TAB2: variants seen among roughly 807,000 people sequenced by gnomAD.
TAB2 encodes TGF-beta-activated kinase 1 and MAP3K7-binding protein 2.
TAB2 carries 3 observed loss-of-function variants against 65.0 expected under a neutral mutation model. The observed-to-expected ratio is 0.05, with a 90% CI of 0.02 to 0.12. The LOEUF is 0.12. TAB2 is among the 10% of genes least tolerant of loss of function. TAB2 has a pLI of 1.00. For missense variants in TAB2, 623 were observed against 840.3 expected, an observed-to-expected ratio of 0.74 and a Z score of 3.20; for synonymous variants, 298 against 285.1, an observed-to-expected ratio of 1.05 and a Z score of -0.46.
At chr6:149,396,419 C>A (rs1184781546) in intron 3 of TAB2, among the ~76,000 whole-genome samples, 2 of 152,226 alleles carry the variant, frequency 1.3e-5, no homozygotes, top group African/African-American at 4.8e-5. Context: ...TTACATCTAT[C>A]TGACAGGTCA....
chr6:149,242,607 T>A (rs755124023), intron 1 of TAB2, among the ~76,000 whole-genome samples: 1 of 152,160 alleles, frequency 6.6e-6, no homozygotes, highest in Non-Finnish European at 1.5e-5. Flanking sequence ...CCAGAATGTA[T>A]GGTTTAAGAG....
At chr6:149,372,570 A>G (rs141276123) in intron 2 of TAB2, among the ~76,000 whole-genome samples, 38 of 152,276 alleles carry the variant, frequency 2.5e-4, no homozygotes, top group African/African-American at 7.7e-4. Flanking sequence ...CACCTTCCCT[A>G]TGTTAATCTG....
intron 1 of TAB2, among the ~76,000 whole-genome samples, chr6:149,248,500 AAG>A (rs1201450923): frequency 1.4e-5 from 2 of 142,034 alleles, no homozygotes; most frequent in East Asian, 2.1e-4. Context: ...GAGAGAGAGA[AAG>A]AGAGAAAGAA....
chr6:149,358,289 A>T (rs1244399174), intron 1 of TAB2, among the ~76,000 whole-genome samples: 1 of 152,200 alleles, frequency 6.6e-6, no homozygotes, highest in Non-Finnish European at 1.5e-5. Flanking sequence ...CTTAATACGC[A>T]TAGCCTGAAG....
intron 3 of TAB2, among the ~76,000 whole-genome samples, chr6:149,391,989 T>C (rs1394842581): frequency 6.6e-6 from 1 of 152,222 alleles, no homozygotes; most frequent in African/African-American, 2.4e-5. Flanking sequence ...GTTTTATGGG[T>C]ACAATAGTGT....
At chr6:149,377,461 G>T (rs1033211089) in intron 2 of TAB2, among the ~76,000 whole-genome samples, 2 of 151,598 alleles carry the variant, frequency 1.3e-5, no homozygotes, top group African/African-American at 2.4e-5. Context: ...AGAGAGAGAG[G>T]GATTACACAA....
intron 1 of TAB2, among the ~76,000 whole-genome samples, chr6:149,293,285 T>C (rs1778809814): frequency 1.3e-5 from 2 of 152,230 alleles, no homozygotes; most frequent in Non-Finnish European, 2.9e-5. Flanking sequence ...TGTAATATAG[T>C]ATAAATTTGT....
Position 149,409,820 on chromosome 6 carries a change from TG to T in TAB2, c.*102del. 2.2e-6 allele frequency: 3 copies of T among 1,362,920 alleles called. No homozygotes were observed. Among genetic ancestry groups the T allele is most frequent in the Non-Finnish European group, 3.1e-6 (3 of 958,564 alleles). The allele number at this position is 1,362,920 out of a possible 1,614,324, so 84.4% of individuals were successfully genotyped here. ...ACTGCTACATAGGATTTTGTCAAAT[TG>T]AAGGTGTGACAAGATGGTGTTCTGC... On this transcript the variant is annotated 3_prime_UTR_variant, in exon 7 of 7. Coordinates refer to ENST00000637181, the MANE Select transcript of TAB2 (RefSeq NM_001292034.3).
chr6:149,279,479 A>G (rs911863463), intron 1 of TAB2, among the ~76,000 whole-genome samples: 2 of 152,012 alleles, frequency 1.3e-5, no homozygotes, highest in East Asian at 3.9e-4. Flanking sequence ...ACTGGGGGTG[A>G]TTTCTACCCT....
intron 3 of TAB2, among the ~76,000 whole-genome samples, chr6:149,392,542 C>A (rs1383887072): frequency 1.3e-5 from 2 of 152,208 alleles, no homozygotes; most frequent in East Asian, 1.9e-4. Flanking sequence ...TCTGTTGTTA[C>A]CTGCATTTTC....
At chr6:149,245,132 C>A (rs1214609137) in intron 1 of TAB2, 1 of 152,222 alleles carries the variant, frequency 6.6e-6, no homozygotes, top group Non-Finnish European at 1.5e-5. Flanking sequence ...GTTTGCCAGA[C>A]AGGTGAGAAG....
At chr6:149,354,791 T>C (rs1348670008) in intron 1 of TAB2, among the ~76,000 whole-genome samples, 2 of 152,234 alleles carry the variant, frequency 1.3e-5, no homozygotes, top group East Asian at 3.8e-4. Context: ...TCTCATTCTT[T>C]TTAATGGCTG....
At chr6:149,403,313 T>TATATATACAC (rs1298336581) in intron 6 of TAB2, among the ~76,000 whole-genome samples, 2 of 66,870 alleles carry the variant, frequency 3.0e-5, no homozygotes, top group African/African-American at 1.3e-4. Flanking sequence ...TATATATATA[T>TATATATACAC]ACACACACAT....
intron 6 of TAB2, among the ~76,000 whole-genome samples, chr6:149,407,505 A>T (rs918212631): frequency 1.2e-4 from 18 of 152,198 alleles, no homozygotes; most frequent in African/African-American, 3.9e-4. Context: ...GAAAGGTCCA[A>T]TAAAAACATC....
chr6:149,254,690 C>T (rs1777969201), intron 1 of TAB2, among the ~76,000 whole-genome samples: 7 of 152,204 alleles, frequency 4.6e-5, no homozygotes, highest in Admixed American at 4.6e-4. Context: ...GATATCTCTA[C>T]TTTAAACTGG....
At chr6:149,328,677 G>C (rs533492209) in intron 1 of TAB2, among the ~76,000 whole-genome samples, 1 of 152,242 alleles carries the variant, frequency 6.6e-6, no homozygotes, top group East Asian at 1.9e-4. Context: ...AGGTCAAAGG[G>C]GTGGACAGAT....
At chr6:149,218,726 AG>A (rs1442616431) in exon 1 of TAB2, 1 of 455,960 alleles carries the variant, frequency 2.2e-6, no homozygotes, top group Non-Finnish European at 4.4e-6. Flanking sequence ...TGGATGAAGA[AG>A]GATTTGAGAC....
At chr6:149,403,293 C>CATAT (rs769018737) in intron 6 of TAB2, among the ~76,000 whole-genome samples, 3,785 of 61,572 alleles carry the variant, frequency 0.061, 168 homozygotes, top group Middle Eastern at 0.11. Flanking sequence ...TACACACACA[C>CATAT]ACATATATAT....
At chr6:149,225,355 A>G (rs901902465) in intron 1 of TAB2, among the ~76,000 whole-genome samples, 2 of 133,380 alleles carry the variant, frequency 1.5e-5, no homozygotes, top group Admixed American at 1.4e-4. Context: ...CGGGGGAAAG[A>G]AAAAAAAAAG....
Sources: allele counts gnomAD v4.1 joint callset (sites outside exome capture counted in the v4.1 genomes callset), GRCh38; gene constraint gnomAD v4.1.1; transcripts MANE v1.5; gene names NCBI Gene and HGNC (gene_info 2026-07-23, HGNC 2026-07-21).